Variants in PHF14 observed in about 807,000 individuals in gnomAD.
PHF14 encodes the protein PHD finger protein 14.
Under a neutral mutation model 117.9 loss-of-function variants are expected in PHF14, and 55 were observed. The ratio of observed to expected loss-of-function variants is 0.47; its 90% confidence interval spans 0.38 to 0.58. The LOEUF (loss-of-function observed/expected upper bound fraction) is 0.58, where lower values mean the gene tolerates loss of function less well. Ranked by LOEUF, PHF14 falls within the 20% of genes least tolerant of loss-of-function variation. The pLI is 0.00. For missense variants in PHF14, 978 were observed against 1,122.2 expected (o/e 0.87, Z 1.84); for synonymous variants, 409 against 368.6 (o/e 1.11, Z -1.26).
chr7:11,007,965 GTGTC>G (rs1316704073), intron 4 of PHF14, among the ~76,000 whole-genome samples: 2 of 152,152 alleles, frequency 1.3e-5, no homozygotes, highest in African/African-American at 4.8e-5. Context: ...GGGCTGCAGT[GTGTC>G]ACTTAGTATA....
intron 17 of PHF14, among the ~76,000 whole-genome samples, chr7:11,125,854 A>G (rs1787913440): frequency 6.6e-6 from 1 of 152,082 alleles, no homozygotes; most frequent in Non-Finnish European, 1.5e-5. Flanking sequence ...CCTTCATTGA[A>G]ATTAAGTCGG....
rs143429438 is a variant in PHF14 at position 11,099,848 on chromosome 7, A to G, written c.2655-11502A>G. 6.4e-4 allele frequency among the ~76,000 whole-genome samples: 97 copies of G among 152,218 alleles called. 1 individual carries two copies. Among genetic ancestry groups the G allele is most frequent in the African/African-American group, 2.2e-3 (92 of 41,558 alleles). ...CCTAAAGTCTGTAATCTCACCATTC[A>G]TCTGACACTTGATTTATCTGCCTAG... On this transcript the variant is annotated intron_variant, in intron 16 of 17. Transcript: ENST00000634607.
intron 16 of PHF14, among the ~76,000 whole-genome samples, chr7:11,071,591 G>T (rs1002328666): frequency 6.6e-6 from 1 of 152,058 alleles, no homozygotes; most frequent in Admixed American, 6.5e-5. Context: ...TAGTACATTT[G>T]TCATTGTTCA....
chr7:11,122,695 C>T (rs113039741), intron 17 of PHF14, among the ~76,000 whole-genome samples: 1,864 of 151,978 alleles, frequency 0.012, 28 homozygotes, highest in African/African-American at 0.043. Flanking sequence ...GTTGTTAACA[C>T]GTTTCTCCTT....
rs1427541433 is a variant in PHF14 at position 11,042,831 on chromosome 7, A to C, written c.2312+17A>C. On this transcript the variant is annotated intron_variant, in intron 13 of 17. Coordinates refer to ENST00000634607, the MANE Select transcript of PHF14 (RefSeq NM_001007157.2). ...CAGTTATTGGTGAGTAAAATAGAGG[A>C]GATTTAGATGTTTGAATTGATTTAC... is the stretch of plus-strand genomic sequence containing the variant. 6.5e-7 allele frequency: 1 copy of C among 1,527,916 alleles called. No homozygotes were observed. The highest frequency in any genetic ancestry group is 8.9e-7 in the Non-Finnish European group (1 of 1,122,210). 94.6% of individuals were successfully genotyped at this position (1,527,916 alleles called of 1,614,324 possible).
intron 17 of PHF14, among the ~76,000 whole-genome samples, chr7:11,159,323 T>C (rs1788956243): frequency 6.6e-6 from 1 of 152,082 alleles, no homozygotes; most frequent in African/African-American, 2.4e-5. Context: ...AATGTGCAGG[T>C]TTGTTACATA....
At chr7:11,060,229 T>C (rs567467853) in intron 14 of PHF14, among the ~76,000 whole-genome samples, 25 of 152,212 alleles carry the variant, frequency 1.6e-4, no homozygotes, top group Admixed American at 3.3e-4. Flanking sequence ...TCATTAGTTC[T>C]GATTTAACCA....
At chr7:11,053,251 G>A (rs1784901895) in intron 14 of PHF14, among the ~76,000 whole-genome samples, 1 of 151,958 alleles carries the variant, frequency 6.6e-6, no homozygotes, top group Non-Finnish European at 1.5e-5. Flanking sequence ...AGGAGATTCA[G>A]CTTGATTTTT....
intron 16 of PHF14, chr7:11,108,715 T>C (rs1787348660): frequency 6.6e-6 from 1 of 151,770 alleles, no homozygotes; most frequent in African/African-American, 2.4e-5. Context: ...GTACGAGTAG[T>C]TGAAATCAGC....
At chr7:11,104,622 G>C in intron 16 of PHF14, 2 of 983,154 alleles carry the variant, frequency 2.0e-6, no homozygotes, top group Non-Finnish European at 2.4e-6. Context: ...AAATGTCTCT[G>C]AAATACAGGA....
intron 17 of PHF14, among the ~76,000 whole-genome samples, chr7:11,131,309 A>G (rs771101290): frequency 1.3e-5 from 2 of 151,894 alleles, no homozygotes; most frequent in Non-Finnish European, 2.9e-5. Context: ...TTGTTGTTCC[A>G]TATCTTTGCC....
intron 16 of PHF14, among the ~76,000 whole-genome samples, chr7:11,074,351 CAGGCGCCTGCCACCACGCCCAG>C (rs1012331917): frequency 3.9e-5 from 6 of 151,968 alleles, no homozygotes; most frequent in African/African-American, 1.5e-4. Context: ...GCTGGGACTA[CAGGCGCCTGCCACCACGCCCAG>C]CTAATTTTTT....
chr7:10,989,265 G>A (rs1391058769), intron 3 of PHF14, among the ~76,000 whole-genome samples: 2 of 152,122 alleles, frequency 1.3e-5, no homozygotes, highest in African/African-American at 4.8e-5. Context: ...GTGTATTCAA[G>A]TGTCAGTTAC....
chr7:11,086,417 T>C (rs1438278350), intron 16 of PHF14, among the ~76,000 whole-genome samples: 2 of 152,296 alleles, frequency 1.3e-5, no homozygotes, highest in East Asian at 3.9e-4. Context: ...CTTGCTTTTA[T>C]TATACTTTAT....
chr7:10,987,196 T>C (rs1289484941), intron 3 of PHF14, among the ~76,000 whole-genome samples: 2 of 152,198 alleles, frequency 1.3e-5, no homozygotes, highest in Non-Finnish European at 2.9e-5. Context: ...GTTAGTTCTG[T>C]AACATTTATA....
chr7:11,063,600 T>C, intron 16 of PHF14: 1 of 975,446 alleles, frequency 1.0e-6, no homozygotes, highest in African/African-American at 1.8e-5. Flanking sequence ...TACTAATTTT[T>C]TTTTTTTAAT....
chr7:11,069,350 A>C (rs1290152810), intron 16 of PHF14, among the ~76,000 whole-genome samples: 1 of 152,062 alleles, frequency 6.6e-6, no homozygotes, highest in East Asian at 1.9e-4. Context: ...AAGGGGTAGG[A>C]GGTAGAAAAG....
intron 16 of PHF14, among the ~76,000 whole-genome samples, chr7:11,067,053 A>C (rs997294068): frequency 6.6e-6 from 1 of 152,182 alleles, no homozygotes; most frequent in African/African-American, 2.4e-5. Context: ...GATAGGGGGG[A>C]ATATTTGCAA....
chr7:10,997,300 T>C (rs1782689582), intron 4 of PHF14, among the ~76,000 whole-genome samples: 1 of 152,112 alleles, frequency 6.6e-6, no homozygotes, highest in Non-Finnish European at 1.5e-5. Context: ...CCTGAGAGAG[T>C]TCAAAGTGAG....
Sources: allele counts gnomAD v4.1 joint callset (sites outside exome capture counted in the v4.1 genomes callset), GRCh38; gene constraint gnomAD v4.1.1; transcripts MANE v1.5; gene names NCBI Gene and HGNC (gene_info 2026-07-23, HGNC 2026-07-21).